The following KCNA4 variants were observed in gnomAD, a reference collection of about 807,000 sequenced individuals.
KCNA4 encodes the protein potassium voltage-gated channel subfamily A member 4, also known as cardiac potassium channel.
In KCNA4, 5 loss-of-function variants were observed where a neutral mutation model predicts 37.2. The ratio of observed to expected loss-of-function variants is 0.13; its 90% CI spans 0.07 to 0.28. The LOEUF (loss-of-function observed/expected upper bound fraction) is 0.28. Among genes scored for constraint, KCNA4 ranks in the 10% least tolerant of loss-of-function variants. The pLI is 1.00. For missense variants in KCNA4, 634 were observed against 817.4 expected (o/e 0.78, Z 2.74); for synonymous variants, 350 against 311.8 (o/e 1.12, Z -1.29).
Position 30,011,242 on chromosome 11 carries a change from G to T in KCNA4, c.1437C>A (p.Gly479=), listed in dbSNP as rs770507273. 8.7e-6 allele frequency: 14 copies of T among 1,614,010 alleles called. No homozygotes were observed. The South Asian group carries it at 1.2e-4, about 14-fold the overall frequency. ...HTLRASMREL[G]LLIFFLFIGV... ...CAATGAAGAGGAAGAAGATCAGAAG[G>T]CCCAGTTCCCGCATGCTGGCTCTGA... Residue 479 remains glycine (G), a synonymous_variant, in exon 2 of 2, where the codon GGC becomes GGA. Coordinates refer to ENST00000328224, the MANE Select transcript of KCNA4 (RefSeq NM_002233.4). The surrounding 1 kb of genome is among the most constrained non-coding windows in gnomAD (Gnocchi z 5.6).
chr11:30,010,011 T>G lies in KCNA4; in HGVS notation c.*706A>C, dbSNP rs1850288075. The G allele has an allele frequency of 6.6e-6, 1 of 152,286 alleles. No individual in the cohort carries two copies. The highest frequency in any genetic ancestry group is 1.9e-4 in the East Asian group (1 of 5,192). The allele number at this position is 152,286 out of a possible 1,614,324, so 9.4% of individuals were successfully genotyped here. Reference sequence around the variant, plus strand: ...CAGTCCTGTTACCTGCAAACAAAACTTATTACATATTCTCCAATTTCACTT... The same window carrying G: ...CAGTCCTGTTACCTGCAAACAAAACGTATTACATATTCTCCAATTTCACTT... On this transcript the variant is annotated 3_prime_UTR_variant, in exon 2 of 2. Coordinates refer to ENST00000328224, the MANE Select transcript of KCNA4 (RefSeq NM_002233.4).
rs1850320105 is a variant in KCNA4 at position 30,012,835 on chromosome 11, T to A, written c.-157A>T. The A allele has an allele frequency of 8.9e-7, 1 of 1,127,600 alleles. No individual in the cohort carries two copies. Among genetic ancestry groups the A allele is most frequent in the African/African-American group, 1.6e-5 (1 of 63,268 alleles). The allele number at this position is 1,127,600 out of a possible 1,614,324, so 69.8% of individuals were successfully genotyped here. A position where few individuals can be genotyped will look rare whatever the true frequency, so the allele number is the denominator to read the frequency against. ...TTTCAGTCCAACTTTGCATTTTCTG[T>A]TTTTAAATCAGCACGCCCCATGCTC... On this transcript the variant is annotated 5_prime_UTR_variant, in exon 2 of 2. Transcript: ENST00000328224.
At position 30,010,924 on chromosome 11, in the gene KCNA4, A is replaced by G; in HGVS notation, c.1755T>C (p.Ser585=). 6.2e-7 allele frequency: 1 copy of G among 1,614,152 alleles called. No homozygotes were observed. The highest frequency in any genetic ancestry group is 2.2e-5 in the East Asian group (1 of 44,884). ...EQTQLTQNAV[S]CPYLPSNLLK... ...GCAAATTAGAGGGGAGGTATGGACA[A>G]CTGACTGCATTCTGCGTTAGCTGTG... Residue 585 remains serine (S), a synonymous_variant, in exon 2 of 2, where the codon AGT becomes AGC. Transcript: ENST00000328224.
chr11:30,016,495 G>A (rs1303575659), intron 1 of KCNA4, 77 bp downstream of exon 1: 1 of 112,582 alleles, frequency 8.9e-6, no homozygotes, highest in Non-Finnish European at 1.6e-5. Context: ...AATGTCCACT[G>A]TTTCTTAACA....
rs530713221 is a variant in KCNA4 at position 30,010,574 on chromosome 11, A to G, written c.*143T>C. ...TTTGATATGTAATACAAGTTTAGTA[A>G]CAATTATGCCATGTATAACCATTAA... On this transcript the variant is annotated 3_prime_UTR_variant, in exon 2 of 2. Transcript: ENST00000328224. 178 of 1,200,616 alleles carry G rather than the reference A, an allele frequency of 1.5e-4. No individual in the cohort carries two copies. In the African/African-American group the frequency reaches 2.7e-3, roughly 18 times the overall value. The allele number at this position is 1,200,616 out of a possible 1,614,324, so 74.4% of individuals were successfully genotyped here. A position where few individuals can be genotyped will look rare whatever the true frequency, so the allele number is the denominator to read the frequency against.
rs1284976775 is a variant in KCNA4, at chr11:30,009,798, A to T, written c.*919T>A. 1 of 152,210 alleles carries T rather than the reference A, an allele frequency of 6.6e-6. No homozygotes were observed. The highest frequency in any genetic ancestry group is 1.5e-5 in the Non-Finnish European group (1 of 68,018). The allele number at this position is 152,210 out of a possible 1,614,324, so 9.4% of individuals were successfully genotyped here. A position where few individuals can be genotyped will look rare whatever the true frequency, so the allele number is the denominator to read the frequency against. On this transcript the variant is annotated 3_prime_UTR_variant, in exon 2 of 2. Transcript: ENST00000328224. ...GTCAATCAGTTATTTAGATTTTAAA[A>T]GAGGAGAGAATCCTGTGATGTTATC...
Position 30,011,459 on chromosome 11 carries a change from A to G in KCNA4, c.1220T>C (p.Ile407Thr). The stretch of plus-strand genomic sequence containing the variant: ...GTAAGGCAAAATGGAGACAATGTCA[A>G]TGATGTTCATGATGTTTTTGAAGAA... ...ALFFKNIMNI[I>T]DIVSILPYFI... The change falls in exon 2 of 2, where the codon ATT (isoleucine) becomes ACT (threonine). Residue 407 changes from isoleucine (I) to threonine (T), a missense_variant. Physicochemically the swap from Ile to Thr is moderately conservative, Grantham distance 89 (BLOSUM62 -1). Coordinates refer to ENST00000328224, the MANE Select transcript of KCNA4 (RefSeq NM_002233.4). The surrounding 1 kb of genome is among the most constrained non-coding windows in gnomAD (Gnocchi z 5.6). 1 of 1,614,174 alleles carries G rather than the reference A, an allele frequency of 6.2e-7. No homozygotes were observed. The highest frequency in any genetic ancestry group is 8.5e-7 in the Non-Finnish European group (1 of 1,180,032).
In KCNA4 at chr11:30,010,511, G is replaced by T. The variant is rs776366463; in HGVS notation, c.*206C>A. ...CTAATAAAAATATAAAGATAGATTT[G>T]CTCCTATTCCTCCCTCTTCTCCAAG... On this transcript the variant is annotated 3_prime_UTR_variant, in exon 2 of 2. Transcript: ENST00000328224. 3 of 757,726 alleles carry T rather than the reference G, an allele frequency of 4.0e-6. No homozygotes were observed. The highest frequency in any genetic ancestry group is 5.8e-6 in the Non-Finnish European group (3 of 515,486). The allele number at this position is 757,726 out of a possible 1,614,324, so 46.9% of individuals were successfully genotyped here. A position where few individuals can be genotyped will look rare whatever the true frequency, so the allele number is the denominator to read the frequency against.
chr11:30,013,691 C>G (rs573284435), intron 1 of KCNA4, among the ~76,000 whole-genome samples: 1 of 152,228 alleles, frequency 6.6e-6, no homozygotes, highest in African/African-American at 2.4e-5. Flanking sequence ...TTTATGGTAA[C>G]TCAATTATTT....
rs567338294 is a variant in KCNA4 at position 30,012,328 on chromosome 11, G to A, written c.351C>T (p.Ile117=). ...CCTCCTCCTCACTCAGCTCCCTCAG[G>A]ATCTTCTCCTCAGAGCCACTGGGCA... ...DLMPSGSEEK[I]LRELSEEEED... is the part of the protein sequence containing the mutation. Residue 117 remains isoleucine (I), a synonymous_variant, in exon 2 of 2, where the codon ATC becomes ATT. Transcript: ENST00000328224. 7 of 1,613,870 alleles carry A rather than the reference G, an allele frequency of 4.3e-6. No individual in the cohort carries two copies. In the South Asian group the frequency reaches 5.5e-5, roughly 13 times the overall value.
rs1590492093 is a variant in KCNA4, at chr11:30,012,777, C to G, written c.-99G>C. 4 of 1,480,550 alleles carry G rather than the reference C, an allele frequency of 2.7e-6. No individual in the cohort carries two copies. The highest frequency in any genetic ancestry group is 1.4e-5 in the African/African-American group (1 of 71,162). The allele number at this position is 1,480,550 out of a possible 1,614,324, so 91.7% of individuals were successfully genotyped here. A position where few individuals can be genotyped will look rare whatever the true frequency, so the allele number is the denominator to read the frequency against. On this transcript the variant is annotated 5_prime_UTR_variant, in exon 2 of 2. Transcript: ENST00000328224. ...CACCAAATTAAGGTAAGTTTGGAAC[C>G]CTTAAGCAGATTGCTTGGAAGACTA...
chr11:30,015,264 G>A (rs1350284272), intron 1 of KCNA4, among the ~76,000 whole-genome samples: 1 of 152,154 alleles, frequency 6.6e-6, no homozygotes, highest in Non-Finnish European at 1.5e-5. Flanking sequence ...CATTCGCAGT[G>A]GAGTGTCAGG....
intron 1 of KCNA4, among the ~76,000 whole-genome samples, chr11:30,013,945 AAAT>A (rs1441858317): frequency 2.0e-5 from 3 of 152,174 alleles, no homozygotes; most frequent in Admixed American, 1.3e-4. Context: ...TCAGAAAAAA[AAAT>A]AATAATATTC....
intron 1 of KCNA4, among the ~76,000 whole-genome samples, chr11:30,014,845 A>G (rs2133456458): frequency 6.6e-6 from 1 of 152,262 alleles, no homozygotes; most frequent in Middle Eastern, 3.4e-3. Context: ...GGAGAGAATG[A>G]TGATAGTCAG....
chr11:30,011,722 G>A lies in KCNA4; in HGVS notation c.957C>T (p.Ile319=), dbSNP rs570176352. The change falls in exon 2 of 2, where the codon ATC becomes ATT. Residue 319 remains isoleucine, a synonymous_variant. Transcript: ENST00000328224. This position sits in a 1 kb window ranked among gnomAD's most constrained non-coding sequence, Gnocchi z 5.6. The part of the protein sequence containing the change: ...IAIVSVLVIL[I]SIVIFCLETL... ...TTTCCAGGCAAAAGATGACAATGGA[G>A]ATTAAGATGACCAGGACGGACACAA... 6.2e-6 allele frequency: 10 copies of A among 1,614,112 alleles called. 1 individual carries two copies. In the South Asian group the frequency reaches 1.1e-4, roughly 18 times the overall value.
chr11:30,011,499 G>C lies in KCNA4; in HGVS notation c.1180C>G (p.Pro394Ala), dbSNP rs777607530. 6.2e-7 allele frequency: 1 copy of C among 1,614,124 alleles called. No homozygotes were observed. The highest frequency in any genetic ancestry group is 8.5e-7 in the Non-Finnish European group (1 of 1,180,038). The stretch of plus-strand genomic sequence containing the variant: ...TTTTTGAAGAAGAGTGCTTGGCTGG[G>C]ACAAGCAAAGCAGCGAACCACAAAC... ...FEFVVRCFAC[P>A]SQALFFKNIM... Residue 394 changes from proline to alanine, a missense_variant, in exon 2 of 2, where the codon CCC becomes GCC. This residue lies in a region of KCNA4 where 252 missense variants were observed against 344.2 expected (regional missense o/e 0.73). Transcript: ENST00000328224. The surrounding 1 kb of genome is among the most constrained non-coding windows in gnomAD (Gnocchi z 5.6).
chr11:30,011,748 T>A lies in KCNA4; in HGVS notation c.931A>T (p.Ile311Phe). Residue 311 changes from isoleucine to phenylalanine, a missense_variant, in exon 2 of 2, where the codon ATT becomes TTT. Ile to Phe is a conservative substitution (Grantham distance 21). Coordinates refer to ENST00000328224, the MANE Select transcript of KCNA4 (RefSeq NM_002233.4). The surrounding 1 kb of genome is among the most constrained non-coding windows in gnomAD (Gnocchi z 5.6). ...ATTAAGATGACCAGGACGGACACAATGGCTATGCCCCTTGCAGGACTGGAG... is the reference window on the plus strand; with the variant it reads ...ATTAAGATGACCAGGACGGACACAAAGGCTATGCCCCTTGCAGGACTGGAG... The part of the protein sequence containing the change: ...ESSSPARGIA[I>F]VSVLVILISI... 6.2e-7 allele frequency: 1 copy of A among 1,614,016 alleles called. No homozygotes were observed. The highest frequency in any genetic ancestry group is 8.5e-7 in the Non-Finnish European group (1 of 1,180,016).
At position 30,011,421 on chromosome 11, in the gene KCNA4, C is replaced by A; in HGVS notation, c.1258G>T (p.Gly420Cys). Residue 420 changes from glycine to cysteine, a missense_variant, in exon 2 of 2, where the codon GGC (glycine) becomes TGC (cysteine). This residue lies in a region of KCNA4 where 252 missense variants were observed against 344.2 expected (regional missense o/e 0.73). Coordinates refer to ENST00000328224, the MANE Select transcript of KCNA4 (RefSeq NM_002233.4). This position sits in a 1 kb window ranked among gnomAD's most constrained non-coding sequence, Gnocchi z 5.6. ...VSILPYFITL[G>C]TDLAQQQGGG... is the part of the protein sequence containing the mutation. ...CCCTGTTGCTGGGCCAGGTCAGTGC[C>A]CAGTGTGATGAAGTAAGGCAAAATG... 6.2e-7 allele frequency: 1 copy of A among 1,614,010 alleles called. No homozygotes were observed. Among genetic ancestry groups the A allele is most frequent in the Non-Finnish European group, 8.5e-7 (1 of 1,180,012 alleles).
Position 30,011,637 on chromosome 11 carries a change from C to G in KCNA4, c.1042G>C (p.Gly348Arg). 6.2e-7 allele frequency: 1 copy of G among 1,614,048 alleles called. No homozygotes were observed. Among genetic ancestry groups the G allele is most frequent in the East Asian group, 2.2e-5 (1 of 44,860 alleles). ...GCTGAAGTATCATTCAACAACCCAC[C>G]ATGCCCGCCAGCACTCAGTGCCATG... Reference protein sequence around the residue: ...LVMALSAGGHGGLLNDTSAPH... With the variant: ...LVMALSAGGHRGLLNDTSAPH... Residue 348 changes from glycine to arginine, a missense_variant, in exon 2 of 2, where the codon GGT becomes CGT. Gly to Arg is a moderately radical substitution (Grantham distance 125). Around this residue, in one of 8 missense-constraint regions of KCNA4, gnomAD observed 252 missense variants for 344.2 expected, o/e 0.73. Transcript: ENST00000328224. This position sits in a 1 kb window ranked among gnomAD's most constrained non-coding sequence, Gnocchi z 5.6.
Sources: gnomAD v4.1 joint callset for allele counts (sites outside exome capture counted in the v4.1 genomes callset) on GRCh38, gnomAD v4.1.1 for gene constraint, gnomAD v4.1.1 regional missense constraint, Gnocchi (gnomAD v3.1) non-coding constraint, MANE v1.5 for transcripts, NCBI Gene and HGNC (gene_info 2026-07-23, HGNC 2026-07-21) for gene names.